The following RAB3GAP2 variants were observed in gnomAD, a reference collection of about 807,000 sequenced individuals.
The protein encoded by RAB3GAP2 is RAB3 GTPase activating non-catalytic protein subunit 2.
A neutral mutation model predicts 185.3 loss-of-function variants in RAB3GAP2; 87 were observed. The observed-to-expected ratio is 0.47, with a 90% CI of 0.39 to 0.56. The LOEUF (loss-of-function observed/expected upper bound fraction) is 0.56, where lower values mean the gene tolerates loss of function less well. Ranked by LOEUF, RAB3GAP2 falls within the 20% of genes least tolerant of loss-of-function variation. The pLI, the probability that RAB3GAP2 is intolerant of heterozygous loss-of-function variation, is 0.00. For missense variants in RAB3GAP2, 1,492 were observed against 1,638.2 expected, an observed-to-expected ratio of 0.91 and a Z score of 1.54; for synonymous variants, 554 against 576.1, an observed-to-expected ratio of 0.96 and a Z score of 0.55.
chr1:220,148,900 C>T lies in RAB3GAP2; in HGVS notation c.*2351G>A, dbSNP rs755895630. ...CTTTTTGTTTTCCTTCAGCATTATACAATATAATTTAATAAGATACAAATG... is the reference window on the plus strand; with the variant it reads ...CTTTTTGTTTTCCTTCAGCATTATATAATATAATTTAATAAGATACAAATG... On this transcript the variant is annotated 3_prime_UTR_variant, in exon 35 of 35. Coordinates refer to ENST00000358951, the MANE Select transcript of RAB3GAP2 (RefSeq NM_012414.4). The T allele has an allele frequency of 2.6e-5, 4 of 152,022 alleles. No homozygotes were observed. The highest frequency in any genetic ancestry group is 5.9e-5 in the Non-Finnish European group (4 of 67,990). The allele number at this position is 152,022 out of a possible 1,614,324, so 9.4% of individuals were successfully genotyped here.
At chr1:220,245,939 A>C (rs1261330839) in intron 1 of RAB3GAP2, among the ~76,000 whole-genome samples, 2 of 152,196 alleles carry the variant, frequency 1.3e-5, no homozygotes, top group Non-Finnish European at 2.9e-5. Flanking sequence ...GTATTCCAAC[A>C]GACCTGCAGC....
At chr1:220,188,010 T>A (rs1658536714) in intron 17 of RAB3GAP2, among the ~76,000 whole-genome samples, 1 of 151,546 alleles carries the variant, frequency 6.6e-6, no homozygotes, top group African/African-American at 2.4e-5. Context: ...TCTCATGCTA[T>A]CTCCAGGTAG....
chr1:220,156,806 C>G (rs1038447780), intron 31 of RAB3GAP2, among the ~76,000 whole-genome samples: 1 of 151,960 alleles, frequency 6.6e-6, no homozygotes, highest in Non-Finnish European at 1.5e-5. Context: ...TTTGCCAGGG[C>G]AAAAATGATG....
intron 26 of RAB3GAP2, 61 bp downstream of exon 26, chr1:220,167,232 A>G (rs912045744): frequency 6.3e-5 from 90 of 1,419,766 alleles, no homozygotes; most frequent in Non-Finnish European, 8.4e-5. Flanking sequence ...GACGGTCCCC[A>G]TATATGAATA....
chr1:220,267,769 G>A (rs923746935), intron 1 of RAB3GAP2: 2 of 1,527,348 alleles, frequency 1.3e-6, no homozygotes, highest in Non-Finnish European at 9.1e-7. Context: ...GAATTTGAAG[G>A]ACACAAGACC....
intron 12 of RAB3GAP2, among the ~76,000 whole-genome samples, chr1:220,194,280 C>T (rs1658681724): frequency 6.6e-6 from 1 of 151,510 alleles, no homozygotes; most frequent in Admixed American, 6.6e-5. Context: ...ATGCTCCCTC[C>T]ACCAAAAAAA....
chr1:220,216,051 T>C (rs1448345144), intron 2 of RAB3GAP2, among the ~76,000 whole-genome samples: 1 of 152,014 alleles, frequency 6.6e-6, no homozygotes, highest in Non-Finnish European at 1.5e-5. Context: ...AAGAAATGTT[T>C]AAAACACAAA....
intron 1 of RAB3GAP2, among the ~76,000 whole-genome samples, chr1:220,238,049 T>C (rs1401105435): frequency 6.6e-6 from 1 of 152,134 alleles, no homozygotes; most frequent in African/African-American, 2.4e-5. Context: ...TTTTTTAGTT[T>C]AGTTTAGTTT....
rs1657727624 is a variant in RAB3GAP2 at position 220,150,440 on chromosome 1, AG to A, written c.*810del. 7.0e-6 allele frequency: 1 copy of A among 142,368 alleles called. No homozygotes were observed. The highest frequency in any genetic ancestry group is 1.5e-5 in the Non-Finnish European group (1 of 65,242). The allele number at this position is 142,368 out of a possible 1,614,324, so 8.8% of individuals were successfully genotyped here. The stretch of plus-strand genomic sequence containing the variant: ...AAATAAAGTCGGACTTAAAATTTTT[AG>A]TATCTTTGCCTTTTTTTTTTTTTTT... On this transcript the variant is annotated 3_prime_UTR_variant, in exon 35 of 35. Coordinates refer to ENST00000358951, the MANE Select transcript of RAB3GAP2 (RefSeq NM_012414.4).
chr1:220,248,550 G>A (rs945736702), intron 1 of RAB3GAP2, among the ~76,000 whole-genome samples: 7 of 151,638 alleles, frequency 4.6e-5, no homozygotes, highest in East Asian at 1.9e-4. Context: ...AATGTCAATC[G>A]TTCCCAAATT....
intron 21 of RAB3GAP2, among the ~76,000 whole-genome samples, chr1:220,176,711 G>C (rs1326799673): frequency 1.3e-5 from 2 of 152,156 alleles, no homozygotes; most frequent in Admixed American, 6.5e-5. Context: ...CCAGGACTCA[G>C]AGCCTCCCTG....
At chr1:220,270,391 T>C (rs1335006814) in intron 1 of RAB3GAP2, among the ~76,000 whole-genome samples, 1 of 152,218 alleles carries the variant, frequency 6.6e-6, no homozygotes, top group African/African-American at 2.4e-5. Flanking sequence ...TCTGGCCCAG[T>C]ACTCCCTACT....
intron 2 of RAB3GAP2, among the ~76,000 whole-genome samples, chr1:220,214,946 T>TTATATGTATATATATATATATA (rs1553279016): frequency 1.0e-4 from 9 of 89,626 alleles, no homozygotes; most frequent in African/African-American, 2.9e-4. Context: ...AATAGTAGCA[T>TTATATGTATATATATATATATA]TATATATATA....
intron 2 of RAB3GAP2, among the ~76,000 whole-genome samples, chr1:220,226,042 C>A (rs535434438): frequency 1.3e-5 from 2 of 152,162 alleles, no homozygotes; most frequent in Non-Finnish European, 2.9e-5. Context: ...ACTGTTATAA[C>A]AGTTTCTGTA....
chr1:220,249,074 G>T (rs1326068920), intron 1 of RAB3GAP2, among the ~76,000 whole-genome samples: 1 of 152,210 alleles, frequency 6.6e-6, no homozygotes, highest in Non-Finnish European at 1.5e-5. Flanking sequence ...TGGAAGTGGG[G>T]TGCTGCCATA....
At chr1:220,187,521 C>T (rs1242186623) in intron 17 of RAB3GAP2, among the ~76,000 whole-genome samples, 1 of 152,132 alleles carries the variant, frequency 6.6e-6, no homozygotes, top group Non-Finnish European at 1.5e-5. Flanking sequence ...ACTTTTAGCC[C>T]AACCCCTGAC....
intron 21 of RAB3GAP2, 78 bp from the exon 22 acceptor site, chr1:220,172,820 G>T: frequency 1.1e-6 from 1 of 897,584 alleles, no homozygotes; most frequent in Non-Finnish European, 1.8e-6. Flanking sequence ...CTAGACAGCA[G>T]ATGCATGCAT....
rs1395306348 is a variant in RAB3GAP2 at position 220,150,370 on chromosome 1, A to T, written c.*881T>A. 1 of 151,258 alleles carries T rather than the reference A, an allele frequency of 6.6e-6. No individual in the cohort carries two copies. Among genetic ancestry groups the T allele is most frequent in the African/African-American group, 2.5e-5 (1 of 40,592 alleles). 9.4% of individuals were successfully genotyped at this position (151,258 alleles called of 1,614,324 possible). On this transcript the variant is annotated 3_prime_UTR_variant, in exon 35 of 35. Transcript: ENST00000358951. ...TTTTCAATACTGTTCCCAAGGACAGATAATATTAGCAAATCCCAGAAGCAT... is the reference window on the plus strand; with the variant it reads ...TTTTCAATACTGTTCCCAAGGACAGTTAATATTAGCAAATCCCAGAAGCAT...
At position 220,157,419 on chromosome 1, in the gene RAB3GAP2, C is replaced by A; in HGVS notation, c.3406G>T (p.Gly1136Ter). ...DTEDAWLSVE[G>*]PISIVELALE... ...GCCAGTTCCACTATGGAGATTGGTC[C>A]TTCCACGGAGAGCCACGCATCCTCA... Residue 1136 changes from glycine to a stop codon, truncating the protein, a stop_gained, in exon 31 of 35, where the codon GGA becomes TGA. Coordinates refer to ENST00000358951, the MANE Select transcript of RAB3GAP2 (RefSeq NM_012414.4). LOFTEE classifies it high-confidence loss of function. 1 of 1,613,936 alleles carries A rather than the reference C, an allele frequency of 6.2e-7. No homozygotes were observed. The highest frequency in any genetic ancestry group is 8.5e-7 in the Non-Finnish European group (1 of 1,180,002).
Sources: gnomAD v4.1 joint callset for allele counts (sites outside exome capture counted in the v4.1 genomes callset) on GRCh38, gnomAD v4.1.1 for gene constraint, MANE v1.5 for transcripts, NCBI Gene and HGNC (gene_info 2026-07-23, HGNC 2026-07-21) for gene names.